TRAPPC13: variants seen among roughly 807,000 people sequenced by gnomAD.
The protein encoded by TRAPPC13 is REV7-interacting novel NHEJ regulator 1.
A neutral mutation model predicts 54.0 loss-of-function variants in TRAPPC13; 39 were observed. The ratio of observed to expected loss-of-function variants is 0.72; its 90% CI spans 0.56 to 0.94. The LOEUF (loss-of-function observed/expected upper bound fraction) is 0.94. TRAPPC13 is among the 40% of genes least tolerant of loss of function. TRAPPC13 has a pLI of 0.00. For synonymous variants in TRAPPC13, 148 were observed against 167.7 expected (o/e 0.88, Z 0.91); for missense variants, 386 against 488.1 (o/e 0.79, Z 1.97).
intron 4 of TRAPPC13, among the ~76,000 whole-genome samples, chr5:65,638,122 CAA>C (rs33942733): frequency 7.9e-6 from 1 of 126,036 alleles, no homozygotes; most frequent in Non-Finnish European, 1.6e-5. Context: ...GACTCCATCT[CAA>C]AAAAAAAAAA....
At chr5:65,636,137 C>A in intron 3 of TRAPPC13, 94 bp downstream of exon 3, 250 of 645,506 alleles carry the variant, frequency 3.9e-4, no homozygotes, top group Non-Finnish European at 5.9e-4. Context: ...GCTCATGATA[C>A]ATTTACCTTT....
At chr5:65,626,340 G>A (rs1755229375) in intron 1 of TRAPPC13, 1 of 152,190 alleles carries the variant, frequency 6.6e-6, no homozygotes, top group South Asian at 2.1e-4. Flanking sequence ...AAAGAATGAA[G>A]CAGCATTCTC....
rs372582907 is a variant in TRAPPC13, at chr5:65,635,272, T to C, written c.47-29T>C. The stretch of plus-strand genomic sequence containing the variant: ...ATTAACCCTAAGCAGTATTAATGTT[T>C]TGTTTTCTTTTACTTTTTTACTTCA... On this transcript the variant is annotated intron_variant, in intron 1 of 12. Coordinates refer to ENST00000399438, the MANE Select transcript of TRAPPC13 (RefSeq NM_024941.4). The C allele has an allele frequency of 2.5e-6, 4 of 1,591,822 alleles. No individual in the cohort carries two copies. The African/African-American group carries it at 5.4e-5, about 21-fold the overall frequency.
chr5:65,627,348 T>G (rs1039902015), intron 1 of TRAPPC13, among the ~76,000 whole-genome samples: 2 of 152,050 alleles, frequency 1.3e-5, no homozygotes, highest in Non-Finnish European at 2.9e-5. Context: ...CACTTTATCT[T>G]TTAATATGTA....
chr5:65,653,327 A>G (rs1256779667), intron 7 of TRAPPC13, among the ~76,000 whole-genome samples: 4 of 152,098 alleles, frequency 2.6e-5, no homozygotes, highest in Non-Finnish European at 4.4e-5. Context: ...TGAAATGAAG[A>G]TTATATCTCT....
At position 65,641,173 on chromosome 5, in the gene TRAPPC13, A is replaced by G. The variant is rs1047840869; in HGVS notation, c.300+3393A>G. Among the ~76,000 whole-genome samples the G allele has an allele frequency of 3.9e-4, 59 of 152,102 alleles. 1 individual carries two copies. The highest frequency in any genetic ancestry group is 3.7e-3 in the Admixed American group (56 of 15,250). On this transcript the variant is annotated intron_variant, in intron 4 of 12. Transcript: ENST00000399438. ...GGTCTTGAACTCCTGAACTCAAGCA[A>G]GCCTCCCGCATCAGCCTCCCAAAGT... is the stretch of plus-strand genomic sequence containing the variant.
intron 6 of TRAPPC13, among the ~76,000 whole-genome samples, chr5:65,651,895 C>A: frequency 1.0e-5 from 1 of 98,826 alleles, no homozygotes; most frequent in Non-Finnish European, 1.9e-5. Flanking sequence ...TGGCGTTTCA[C>A]TCTTGTCGCC....
intron 1 of TRAPPC13, among the ~76,000 whole-genome samples, chr5:65,631,681 G>A (rs974484450): frequency 3.0e-4 from 46 of 151,996 alleles, no homozygotes; most frequent in African/African-American, 1.7e-4. Flanking sequence ...TTGCATCTAC[G>A]TTGCTGCAAA....
At chr5:65,628,864 C>G (rs1304685848) in intron 1 of TRAPPC13, among the ~76,000 whole-genome samples, 1 of 151,540 alleles carries the variant, frequency 6.6e-6, no homozygotes, top group Non-Finnish European at 1.5e-5. Flanking sequence ...TGCTCTATCG[C>G]CCAGGCTGAG....
chr5:65,664,188 T>C (rs1376561703), intron 11 of TRAPPC13, 49 bp from the exon 12 acceptor site: 2 of 1,573,104 alleles, frequency 1.3e-6, no homozygotes, highest in Non-Finnish European at 1.7e-6. Flanking sequence ...GCAGTACCTC[T>C]TTGTGAAATG....
intron 8 of TRAPPC13, among the ~76,000 whole-genome samples, chr5:65,657,784 CTT>C (rs1756705173): frequency 6.6e-6 from 1 of 152,054 alleles, no homozygotes; most frequent in Non-Finnish European, 1.5e-5. Context: ...TCCACATATT[CTT>C]TTTTTAGCCC....
Position 65,658,501 on chromosome 5 carries a change from G to T in TRAPPC13, c.698G>T (p.Cys233Phe). 1.3e-6 allele frequency: 2 copies of T among 1,553,202 alleles called. No homozygotes were observed. Among genetic ancestry groups the T allele is most frequent in the South Asian group, 1.2e-5 (1 of 81,990 alleles). Residue 233 changes from cysteine to phenylalanine, a missense_variant and splice_region_variant, in exon 9 of 13, where the codon TGT (cysteine) becomes TTT (phenylalanine). Physicochemically the swap from Cys to Phe is radical, Grantham distance 205. Transcript: ENST00000399438. ...AATTCAGTCAGCCAAGCTGGAGAATGGTAAATATTAATTTATGAAGTCTTT... is the reference window on the plus strand; with the variant it reads ...AATTCAGTCAGCCAAGCTGGAGAATTGTAAATATTAATTTATGAAGTCTTT... ...ELNSVSQAGECVSTFGSRAYL... is the reference protein window; with the variant it reads ...ELNSVSQAGEFVSTFGSRAYL...
chr5:65,649,658 T>A (rs765284290), intron 5 of TRAPPC13, among the ~76,000 whole-genome samples: 2 of 152,190 alleles, frequency 1.3e-5, no homozygotes, highest in African/African-American at 2.4e-5. Context: ...TTTTGAGTGA[T>A]CTATTGGTGT....
chr5:65,663,975 T>G (rs7729187), intron 11 of TRAPPC13: 5,940 of 386,338 alleles, frequency 0.015, 308 homozygotes, highest in African/African-American at 0.11. Context: ...AGGAGGCCAG[T>G]GTTGAGTAAT....
rs1209191665 is a variant in TRAPPC13 at position 65,665,548 on chromosome 5, C to CTAT, written c.*940_*942dup. The CTAT allele has an allele frequency of 1.3e-5, 2 of 151,924 alleles. No individual in the cohort carries two copies. The highest frequency in any genetic ancestry group is 4.8e-5 in the African/African-American group (2 of 41,360). 9.4% of individuals were successfully genotyped at this position (151,924 alleles called of 1,614,324 possible). A position where few individuals can be genotyped will look rare whatever the true frequency, so the allele number is the denominator to read the frequency against. On this transcript the variant is annotated 3_prime_UTR_variant, in exon 13 of 13. Coordinates refer to ENST00000399438, the MANE Select transcript of TRAPPC13 (RefSeq NM_024941.4). ...TAGGTTGTTGATTTTTTTTAATTAACTATTAACTAAGAATAATACTTATTT... is the reference window on the plus strand; with the variant it reads ...TAGGTTGTTGATTTTTTTTAATTAACTATTATTAACTAAGAATAATACTTATTT...
intron 7 of TRAPPC13, chr5:65,652,861 A>G (rs1317912842): frequency 2.9e-6 from 1 of 339,646 alleles, no homozygotes; most frequent in Non-Finnish European, 5.5e-6. Flanking sequence ...GAATATTTAC[A>G]TGTGGTTCGG....
At chr5:65,651,851 T>TG (rs1756461508) in intron 6 of TRAPPC13, among the ~76,000 whole-genome samples, 462 of 24,230 alleles carry the variant, frequency 0.019, no homozygotes, top group South Asian at 0.029. Context: ...AGTTTTTTTT[T>TG]TTTTTTTTTT....
rs1755602625 is a variant in TRAPPC13 at position 65,632,936 on chromosome 5, TCTGAATAG to T, written c.47-2363_47-2356del. ...TGCTAATTATTTTATTCAGGGAAGA[TCTGAATAG>T]CAGAACTTACACCAAATATGGATGC... is the stretch of plus-strand genomic sequence containing the variant. On this transcript the variant is annotated intron_variant, in intron 1 of 12. Transcript: ENST00000399438. Among the ~76,000 whole-genome samples the T allele has an allele frequency of 4.6e-5, 7 of 152,304 alleles. No individual in the cohort carries two copies. The South Asian group carries it at 1.4e-3, about 32-fold the overall frequency.
intron 10 of TRAPPC13, 97 bp from the exon 11 acceptor site, chr5:65,661,953 C>A: frequency 2.7e-6 from 2 of 738,710 alleles, no homozygotes; most frequent in Non-Finnish European, 2.1e-6. Flanking sequence ...GCTTGGAAAC[C>A]CAACAGCTGT....
Sources: gnomAD v4.1 joint callset for allele counts (sites outside exome capture counted in the v4.1 genomes callset) on GRCh38, gnomAD v4.1.1 for gene constraint, MANE v1.5 for transcripts, NCBI Gene and HGNC (gene_info 2026-07-23, HGNC 2026-07-21) for gene names.